The following PDCD6 variants were observed in gnomAD, a reference collection of about 807,000 sequenced individuals.
PDCD6 encodes programmed cell death protein 6.
In PDCD6, 12 loss-of-function variants were observed where a neutral mutation model predicts 28.3. That is an observed-to-expected ratio of 0.42 (90% CI 0.27 to 0.69). PDCD6 has a LOEUF of 0.69. Among genes scored for constraint, PDCD6 ranks in the 30% least tolerant of loss-of-function variants. The probability of loss-of-function intolerance (pLI) is 0.22; values close to 1 mark genes in which losing one functional copy is unlikely to be tolerated. For synonymous variants in PDCD6, 92 were observed against 108.0 expected, an observed-to-expected ratio of 0.85 and a Z score of 0.92; for missense variants, 226 against 269.9, an observed-to-expected ratio of 0.84 and a Z score of 1.14.
At chr5:312,851 A>G (rs1019772150) in intron 5 of PDCD6, among the ~76,000 whole-genome samples, 10 of 142,246 alleles carry the variant, frequency 7.0e-5, no homozygotes, top group African/African-American at 3.0e-4. Context: ...GCCGTGTAAA[A>G]TCTCGTTCTG....
At chr5:288,774 T>A in intron 2 of PDCD6, 1 of 826,190 alleles carries the variant, frequency 1.2e-6, no homozygotes, top group Non-Finnish European at 1.8e-6. Flanking sequence ...CATAAAAGTT[T>A]TATACGGCGT....
chr5:295,027 G>T (rs983187231), intron 2 of PDCD6, among the ~76,000 whole-genome samples: 41 of 152,242 alleles, frequency 2.7e-4, no homozygotes, highest in Non-Finnish European at 3.2e-4. Context: ...GTGGAGGGGC[G>T]AATGGAGGAG....
chr5:303,297 T>TAAA (rs34022166), intron 2 of PDCD6, among the ~76,000 whole-genome samples: 14,618 of 128,990 alleles, frequency 0.11, 2,549 homozygotes, highest in African/African-American at 0.38. Context: ...TTTTTGTGCA[T>TAAA]AAAAAAAAAA....
At chr5:286,903 G>A (rs567527418) in intron 2 of PDCD6, among the ~76,000 whole-genome samples, 30 of 152,294 alleles carry the variant, frequency 2.0e-4, no homozygotes, top group African/African-American at 7.2e-4. Context: ...CTGGAAACTC[G>A]CGGAGGAGTC....
At chr5:291,612 T>C (rs1170804718) in intron 2 of PDCD6, among the ~76,000 whole-genome samples, 1 of 151,012 alleles carries the variant, frequency 6.6e-6, no homozygotes, top group Non-Finnish European at 1.5e-5. Flanking sequence ...TCCTTTTCAT[T>C]ACTGCGTGAT....
At chr5:276,508 T>G (rs1193710796) in intron 2 of PDCD6, 1 of 977,600 alleles carries the variant, frequency 1.0e-6, no homozygotes, top group Non-Finnish European at 1.2e-6. Context: ...ACTGTCTTGC[T>G]CAGGCTGGTC....
At chr5:281,337 G>A (rs1738549087) in intron 2 of PDCD6, among the ~76,000 whole-genome samples, 1 of 152,232 alleles carries the variant, frequency 6.6e-6, no homozygotes, top group African/African-American at 2.4e-5. Context: ...GTTCAAATCT[G>A]AAGGTGGTGG....
At chr5:285,604 A>T (rs1366376577) in intron 2 of PDCD6, among the ~76,000 whole-genome samples, 4 of 148,804 alleles carry the variant, frequency 2.7e-5, no homozygotes, top group African/African-American at 1.0e-4. Flanking sequence ...CTGCAGCTGG[A>T]GACCCATGGG....
Position 307,830 on chromosome 5 carries a change from C to T in PDCD6, c.367+1070C>T, listed in dbSNP as rs549561697. ...CTCCCAGCATGCACTTTGTGGCTGC[C>T]TTTCTTTCTCTTTTCTTTCTCACCT... On this transcript the variant is annotated intron_variant, in intron 4 of 5. Transcript: ENST00000264933. The surrounding 1 kb of genome is among the most constrained non-coding windows in gnomAD (Gnocchi z 6.1). 1.9e-4 allele frequency among the ~76,000 whole-genome samples: 29 copies of T among 152,246 alleles called. No individual in the cohort carries two copies. Among genetic ancestry groups the T allele is most frequent in the African/African-American group, 7.0e-4 (29 of 41,524 alleles).
chr5:279,102 C>G (rs1373246673), intron 2 of PDCD6, among the ~76,000 whole-genome samples: 1 of 152,182 alleles, frequency 6.6e-6, no homozygotes, highest in Admixed American at 6.5e-5. Flanking sequence ...GAAGTCAGCT[C>G]AGGCAAACCC....
At chr5:310,097 G>T (rs1411521075) in intron 4 of PDCD6, 3 of 214,952 alleles carry the variant, frequency 1.4e-5, no homozygotes, top group Non-Finnish European at 1.9e-5. Context: ...CCCAGGCTCT[G>T]TTCTCAGCAG....
At chr5:306,883 C>T (rs755393609) in intron 4 of PDCD6, 123 bp downstream of exon 4, 43 of 942,418 alleles carry the variant, frequency 4.6e-5, no homozygotes, top group Non-Finnish European at 6.8e-5. Flanking sequence ...TTTTTGTTGA[C>T]GTCATGCAGG....
intron 2 of PDCD6, among the ~76,000 whole-genome samples, chr5:300,832 C>A (rs1252499280): frequency 1.3e-5 from 2 of 152,032 alleles, no homozygotes; most frequent in African/African-American, 4.8e-5. Context: ...TTGATTAATC[C>A]CGGGACAACC....
chr5:275,305 C>T (rs1738116933), intron 2 of PDCD6, among the ~76,000 whole-genome samples: 1 of 152,210 alleles, frequency 6.6e-6, no homozygotes, highest in Admixed American at 6.5e-5. Flanking sequence ...CATGTGGCCC[C>T]ATGAAGCCCG....
At chr5:309,651 G>A (rs1307322659) in intron 4 of PDCD6, 2 of 134,062 alleles carry the variant, frequency 1.5e-5, no homozygotes, top group East Asian at 2.7e-4. Context: ...GAGGGCCGCC[G>A]TCCCCGTGCA....
At chr5:312,010 T>A (rs1283009293) in intron 5 of PDCD6, 2 of 154,028 alleles carry the variant, frequency 1.3e-5, no homozygotes, top group Non-Finnish European at 2.9e-5. Context: ...TTACAAAAAC[T>A]TTTATTCTGA....
In PDCD6 at chr5:304,098, C is replaced by T; in HGVS notation, c.164-79C>T. 4.1e-6 allele frequency: 6 copies of T among 1,469,060 alleles called. 1 individual carries two copies. The highest frequency in any genetic ancestry group is 5.6e-6 in the Non-Finnish European group (6 of 1,080,286). The allele number at this position is 1,469,060 out of a possible 1,614,324, so 91.0% of individuals were successfully genotyped here. On this transcript the variant is annotated intron_variant, in intron 2 of 5. Coordinates refer to ENST00000264933, the MANE Select transcript of PDCD6 (RefSeq NM_013232.4). ...AGAGCCCCCACTGCTTTTCCTGGTG[C>T]CTCCAGGTATAGATCACAAACTCAG... is the stretch of plus-strand genomic sequence containing the variant.
At chr5:289,102 A>C (rs10434648) in intron 2 of PDCD6, 194,292 of 1,173,718 alleles carry the variant, frequency 0.17, 22,161 homozygotes, top group African/African-American at 0.54. Context: ...TCATCAGATT[A>C]TTTTTCTTGA....
At chr5:288,242 T>C (rs948493300) in intron 2 of PDCD6, among the ~76,000 whole-genome samples, 19 of 149,942 alleles carry the variant, frequency 1.3e-4, no homozygotes, top group Non-Finnish European at 7.4e-5. Context: ...TATTCATCTC[T>C]TATGGAAACA....
Sources: allele counts gnomAD v4.1 joint callset (sites outside exome capture counted in the v4.1 genomes callset), GRCh38; gene constraint gnomAD v4.1.1; non-coding constraint Gnocchi (gnomAD v3.1); transcripts MANE v1.5; gene names NCBI Gene and HGNC (gene_info 2026-07-23, HGNC 2026-07-21).